Variants in TRAF5 observed in about 807,000 individuals in gnomAD.
TRAF5 encodes the protein TNF receptor-associated factor 5.
In TRAF5, 48 loss-of-function variants were observed where a neutral mutation model predicts 64.5. That is an observed-to-expected ratio of 0.74 (90% confidence interval 0.59 to 0.95). The LOEUF is 0.95. Ranked by LOEUF, TRAF5 falls within the 40% of genes least tolerant of loss-of-function variation. TRAF5 has a pLI of 0.00. For missense variants in TRAF5, 545 were observed against 662.8 expected (o/e 0.82, Z 1.95); for synonymous variants, 206 against 240.5 (o/e 0.86, Z 1.33).
At chr1:211,335,848 G>A (rs1396460233) in intron 1 of TRAF5, among the ~76,000 whole-genome samples, 1 of 152,200 alleles carries the variant, frequency 6.6e-6, no homozygotes, top group African/African-American at 2.4e-5. Context: ...GGACAGGTGG[G>A]GAGATTGGCC....
chr1:211,347,319 T>C (rs1054076877), intron 1 of TRAF5, among the ~76,000 whole-genome samples: 22 of 152,200 alleles, frequency 1.4e-4, no homozygotes, highest in African/African-American at 5.1e-4. Context: ...GGCTCTCTCA[T>C]GTCAGTGAAC....
intron 1 of TRAF5, among the ~76,000 whole-genome samples, chr1:211,333,181 G>C (rs557767538): frequency 2.2e-4 from 34 of 151,780 alleles, no homozygotes; most frequent in African/African-American, 8.2e-4. Context: ...TCTTTTTTTT[G>C]TTTTGTTTTG....
intron 1 of TRAF5, among the ~76,000 whole-genome samples, chr1:211,341,132 G>A (rs953383219): frequency 1.3e-5 from 2 of 152,190 alleles, no homozygotes; most frequent in Non-Finnish European, 2.9e-5. Context: ...AGTTGAGGTG[G>A]CAGTAGGTAG....
chr1:211,370,124 A>G (rs1703475561), intron 9 of TRAF5, among the ~76,000 whole-genome samples: 1 of 151,796 alleles, frequency 6.6e-6, no homozygotes, highest in Non-Finnish European at 1.5e-5. Flanking sequence ...GTGGTCAACA[A>G]GTGAAACTAT....
chr1:211,328,814 G>C (rs1323182070), intron 1 of TRAF5, among the ~76,000 whole-genome samples: 1 of 152,166 alleles, frequency 6.6e-6, no homozygotes, highest in Non-Finnish European at 1.5e-5. Context: ...TGTTCTTGTC[G>C]TTTTGTTCTC....
intron 1 of TRAF5, among the ~76,000 whole-genome samples, chr1:211,342,355 T>C (rs1470528653): frequency 1.3e-5 from 2 of 152,180 alleles, no homozygotes; most frequent in African/African-American, 4.8e-5. Flanking sequence ...TCCTACTTTT[T>C]TATTTTTATG....
chr1:211,367,512 G>C (rs1703393089), intron 8 of TRAF5, among the ~76,000 whole-genome samples: 1 of 152,228 alleles, frequency 6.6e-6, no homozygotes, highest in South Asian at 2.1e-4. Flanking sequence ...GAAGCAAGAT[G>C]CTGGAGGTGG....
chr1:211,335,275 G>T (rs1367781355), intron 1 of TRAF5, among the ~76,000 whole-genome samples: 1 of 152,112 alleles, frequency 6.6e-6, no homozygotes, highest in African/African-American at 2.4e-5. Context: ...TTGGGTTCCC[G>T]ATCTGTAAAA....
At chr1:211,367,525 G>GTGGTGA (rs1191592626) in intron 8 of TRAF5, among the ~76,000 whole-genome samples, 2 of 152,246 alleles carry the variant, frequency 1.3e-5, no homozygotes, top group Admixed American at 6.5e-5. Context: ...GGAGGTGGTG[G>GTGGTGA]TGGTGATGGT....
rs755494443 is a variant in TRAF5, at chr1:211,372,586, G to C, written c.1558G>C (p.Gly520Arg). The change falls in exon 11 of 11, where the codon GGC becomes CGC. Residue 520 changes from glycine (G) to arginine (R), a missense_variant. Gly to Arg is a moderately radical substitution (Grantham distance 125). Coordinates refer to ENST00000261464, the MANE Select transcript of TRAF5 (RefSeq NM_001033910.3). ...RPDGEMNIAS[G>R]CPRFVAHSVL... ...TGATGGGGAGATGAACATTGCATCT[G>C]GCTGTCCCCGCTTTGTGGCTCATTC... 4.3e-6 allele frequency: 7 copies of C among 1,614,178 alleles called. No homozygotes were observed. In the Admixed American group the frequency reaches 5.0e-5, roughly 12 times the overall value.
chr1:211,361,204 A>G, intron 7 of TRAF5, 42 bp downstream of exon 7: 1 of 1,567,528 alleles, frequency 6.4e-7, no homozygotes, highest in Non-Finnish European at 8.8e-7. Context: ...ATTCTACTGT[A>G]TAATTCACTT....
chr1:211,356,706 C>T (rs1202829565), intron 4 of TRAF5: 2 of 385,492 alleles, frequency 5.2e-6, no homozygotes, highest in African/African-American at 2.0e-5. Context: ...ATCCACTAGA[C>T]CTTAATTGTG....
rs141490369 is a variant in TRAF5, at chr1:211,332,498, G to A, written c.-2+5609G>A. On this transcript the variant is annotated intron_variant, in intron 1 of 10. Coordinates refer to ENST00000261464, the MANE Select transcript of TRAF5 (RefSeq NM_001033910.3). The stretch of plus-strand genomic sequence containing the variant: ...GGAGGTGGGTGGGGCTAAGCTAAGC[G>A]GCAGCCATGAAGGTCCCTCTTCTGT... 7.2e-5 allele frequency among the ~76,000 whole-genome samples: 11 copies of A among 152,266 alleles called. No individual in the cohort carries two copies. The East Asian group carries it at 7.7e-4, about 11-fold the overall frequency.
Position 211,370,845 on chromosome 1 carries a change from G to C in TRAF5, c.931-457G>C, listed in dbSNP as rs774131831. Among the ~76,000 whole-genome samples the C allele has an allele frequency of 2.0e-5, 3 of 152,220 alleles. No homozygotes were observed. In the South Asian group the frequency reaches 6.2e-4, roughly 32 times the overall value. ...GAGAGAGCAGTCAAAAGTTTAGGCC[G>C]TACTCAGGGCCTTCTGCACCACCTG... is the stretch of plus-strand genomic sequence containing the variant. On this transcript the variant is annotated intron_variant, in intron 9 of 10. Coordinates refer to ENST00000261464, the MANE Select transcript of TRAF5 (RefSeq NM_001033910.3).
rs762599755 is a variant in TRAF5, at chr1:211,372,119, T to C, written c.1100-9T>C. On this transcript the variant is annotated splice_polypyrimidine_tract_variant and intron_variant, in intron 10 of 10. Coordinates refer to ENST00000261464, the MANE Select transcript of TRAF5 (RefSeq NM_001033910.3). ...TGGAATCTTTTTTTTTTTTTTTTCTTATTTGCAGCCGTTTTAGAAGAGGAA... is the reference window on the plus strand; with the variant it reads ...TGGAATCTTTTTTTTTTTTTTTTCTCATTTGCAGCCGTTTTAGAAGAGGAA... 6.6e-7 allele frequency: 1 copy of C among 1,507,446 alleles called. No individual in the cohort carries two copies. The allele number at this position is 1,507,446 out of a possible 1,614,324, so 93.4% of individuals were successfully genotyped here.
intron 2 of TRAF5, 133 bp from the exon 3 acceptor site, chr1:211,354,277 T>G: frequency 2.8e-6 from 2 of 722,688 alleles, no homozygotes; most frequent in Non-Finnish European, 4.6e-6. Flanking sequence ...CCCTTCTGGG[T>G]AGAGGGAACA....
chr1:211,364,696 C>CAAAT (rs1703291480), intron 7 of TRAF5, among the ~76,000 whole-genome samples: 1 of 150,598 alleles, frequency 6.6e-6, no homozygotes, highest in Non-Finnish European at 1.5e-5. Flanking sequence ...AAAAAACAAA[C>CAAAT]AAACAAACAA....
chr1:211,342,622 C>T (rs767030620), intron 1 of TRAF5, among the ~76,000 whole-genome samples: 1 of 152,134 alleles, frequency 6.6e-6, no homozygotes, highest in African/African-American at 2.4e-5. Context: ...TAATCATCCC[C>T]ACTTCCTCTA....
At chr1:211,347,329 C>A (rs1702642468) in intron 1 of TRAF5, among the ~76,000 whole-genome samples, 1 of 152,122 alleles carries the variant, frequency 6.6e-6, no homozygotes, top group South Asian at 2.1e-4. Flanking sequence ...TGTCAGTGAA[C>A]AAAGTGGGTC....
Sources: allele counts gnomAD v4.1 joint callset (sites outside exome capture counted in the v4.1 genomes callset), GRCh38; gene constraint gnomAD v4.1.1; transcripts MANE v1.5; gene names NCBI Gene and HGNC (gene_info 2026-07-23, HGNC 2026-07-21).